MEF2C: variants seen among roughly 807,000 people sequenced by gnomAD.
MEF2C encodes myocyte-specific enhancer factor 2C.
Under a neutral mutation model 50.5 loss-of-function variants are expected in MEF2C, and 6 were observed. The observed-to-expected ratio is 0.12, with a 90% CI of 0.07 to 0.23. The LOEUF is 0.23. Among genes scored for constraint, MEF2C ranks in the 10% least tolerant of loss-of-function variants. The pLI, the probability that MEF2C is intolerant of heterozygous loss-of-function variation, is 1.00. For missense variants in MEF2C, 276 were observed against 605.0 expected (o/e 0.46, Z 5.70); for synonymous variants, 183 against 228.0 (o/e 0.80, Z 1.78).
At chr5:88,770,220 G>A (rs891980917) in intron 3 of MEF2C, among the ~76,000 whole-genome samples, 3 of 152,170 alleles carry the variant, frequency 2.0e-5, no homozygotes, top group Non-Finnish European at 4.4e-5. Flanking sequence ...TTGCAAATGG[G>A]TTGGTTACAG....
intron 1 of MEF2C, among the ~76,000 whole-genome samples, chr5:88,897,363 G>A (rs1034576145): frequency 4.6e-5 from 7 of 152,178 alleles, no homozygotes; most frequent in Non-Finnish European, 8.8e-5. Context: ...TCACCCACAG[G>A]AGAATAAAGC....
chr5:88,742,394 G>A (rs1311499361), intron 6 of MEF2C: 40 of 984,116 alleles, frequency 4.1e-5, no homozygotes, highest in African/African-American at 1.0e-4. Context: ...AAATATTAAC[G>A]GCTTGAATTT....
chr5:88,864,570 C>T (rs1172151878), intron 1 of MEF2C, among the ~76,000 whole-genome samples: 1 of 150,798 alleles, frequency 6.6e-6, no homozygotes, highest in Non-Finnish European at 1.5e-5. Flanking sequence ...TATAAATATA[C>T]ATAAATACAC....
intron 1 of MEF2C, among the ~76,000 whole-genome samples, chr5:88,830,135 T>C (rs1204208051): frequency 6.6e-6 from 1 of 151,968 alleles, no homozygotes; most frequent in Non-Finnish European, 1.5e-5. Context: ...AAATTTACAG[T>C]GTTAAAAAAA....
At chr5:88,750,189 T>A in intron 5 of MEF2C, 1 of 599,732 alleles carries the variant, frequency 1.7e-6, no homozygotes, top group Non-Finnish European at 2.1e-6. Context: ...TGTTTATATA[T>A]ATACATATAT....
At chr5:88,883,302 AGAG>A (rs1380356639), upstream of MEF2C, 12 of 152,308 alleles carry the variant, frequency 7.9e-5, no homozygotes, top group South Asian at 5.7e-4. Context: ...GCCGCTCGGA[AGAG>A]GAGGAGGAGG....
chr5:88,879,946 ACTCTGTTGTTCCTGGTTTTGTGAATCAC>A (rs1832303662), intron 1 of MEF2C, among the ~76,000 whole-genome samples: 1 of 151,278 alleles, frequency 6.6e-6, no homozygotes, highest in African/African-American at 2.4e-5. Context: ...ACGTGCATAG[ACTCTGTTGTTCCTGGTTTTGTGAATCAC>A]CTCTGTAATC....
chr5:88,719,841 G>C lies in MEF2C; in HGVS notation c.*2763C>G, dbSNP rs1180430182. The C allele has an allele frequency of 6.6e-6, 1 of 152,104 alleles. No homozygotes were observed. The highest frequency in any genetic ancestry group is 1.5e-5 in the Non-Finnish European group (1 of 68,008). 9.4% of individuals were successfully genotyped at this position (152,104 alleles called of 1,614,324 possible). ...TCAGTAGTGGGAACAAGAGATGACT[G>C]GCATCCATTTTCAAGTGATTCTGTT... On this transcript the variant is annotated 3_prime_UTR_variant, in exon 11 of 11. Transcript: ENST00000504921.
rs573203324 is a variant in MEF2C, at chr5:88,795,643, G to T, written c.258+8955C>A. ...TAAATACCCTTTATTTCTTTCTCTTGCCTGATTGCCCTGGCCAGAACTTCC... is the reference window on the plus strand; with the variant it reads ...TAAATACCCTTTATTTCTTTCTCTTTCCTGATTGCCCTGGCCAGAACTTCC... On this transcript the variant is annotated intron_variant, in intron 3 of 10. Transcript: ENST00000504921. 4.6e-5 allele frequency among the ~76,000 whole-genome samples: 7 copies of T among 152,182 alleles called. No homozygotes were observed. The South Asian group carries it at 1.5e-3, about 32-fold the overall frequency.
At chr5:88,749,155 A>G in intron 5 of MEF2C, 38 bp from the exon 6 acceptor site, 1 of 1,537,092 alleles carries the variant, frequency 6.5e-7, no homozygotes, top group Non-Finnish European at 8.8e-7. Flanking sequence ...GAGAAAGGCT[A>G]AAGGCCCACA....
Position 88,776,849 on chromosome 5 carries a change from G to A in MEF2C, c.259-15521C>T, listed in dbSNP as rs565934142. Among the ~76,000 whole-genome samples the A allele has an allele frequency of 2.3e-3, 348 of 152,196 alleles. 1 individual carries two copies. Among genetic ancestry groups the A allele is most frequent in the Non-Finnish European group, 3.8e-3 (259 of 68,008 alleles). On this transcript the variant is annotated intron_variant, in intron 3 of 10. Transcript: ENST00000504921. ...GGCCATCAGCAATTTTGTTCATCCTGATATCCACACCTGGCAGTGGCTCGG... is the reference window on the plus strand; with the variant it reads ...GGCCATCAGCAATTTTGTTCATCCTAATATCCACACCTGGCAGTGGCTCGG...
In MEF2C at chr5:88,729,202, T is replaced by A. The variant is rs1760313635; in HGVS notation, c.964+16A>T. On this transcript the variant is annotated intron_variant, in intron 9 of 10. Transcript: ENST00000504921. ...AAGTATTTAGTGTACTAATTGCACA[T>A]GACAAAGCTACTCACCGGTACCATA... 1 of 1,612,642 alleles carries A rather than the reference T, an allele frequency of 6.2e-7. No homozygotes were observed. The highest frequency in any genetic ancestry group is 1.7e-5 in the Admixed American group (1 of 59,894).
At chr5:88,866,845 A>C (rs188115675) in intron 1 of MEF2C, among the ~76,000 whole-genome samples, 37 of 152,264 alleles carry the variant, frequency 2.4e-4, no homozygotes, top group African/African-American at 8.4e-4. Flanking sequence ...TTACTGAATA[A>C]CTCCTGAAAT....
intron 3 of MEF2C, among the ~76,000 whole-genome samples, chr5:88,783,934 T>G (rs1211962547): frequency 6.6e-6 from 1 of 152,204 alleles, no homozygotes; most frequent in Admixed American, 6.5e-5. Context: ...ATTGCTTGAA[T>G]AAAACAAAAT....
intron 3 of MEF2C, among the ~76,000 whole-genome samples, chr5:88,789,360 G>A (rs1792629765): frequency 6.6e-6 from 1 of 151,956 alleles, no homozygotes; most frequent in Non-Finnish European, 1.5e-5. Flanking sequence ...TAGAGTTGGA[G>A]TCTCTGTATG....
chr5:88,830,608 C>A (rs990879680), intron 1 of MEF2C, among the ~76,000 whole-genome samples: 1 of 152,022 alleles, frequency 6.6e-6, no homozygotes, highest in South Asian at 2.1e-4. Flanking sequence ...AAAATAAACT[C>A]CAAATGGTCT....
At chr5:88,867,132 A>T (rs978047587) in intron 1 of MEF2C, among the ~76,000 whole-genome samples, 3 of 152,228 alleles carry the variant, frequency 2.0e-5, no homozygotes, top group Non-Finnish European at 4.4e-5. Flanking sequence ...TTCTCACTTC[A>T]CATCAACAAT....
intron 1 of MEF2C, among the ~76,000 whole-genome samples, chr5:88,865,332 C>G (rs987946687): frequency 5.3e-5 from 8 of 152,120 alleles, no homozygotes; most frequent in African/African-American, 1.9e-4. Flanking sequence ...TCAGTTACAG[C>G]CCATAGTTTT....
At chr5:88,826,461 T>A (rs1810895499) in intron 1 of MEF2C, among the ~76,000 whole-genome samples, 1 of 151,986 alleles carries the variant, frequency 6.6e-6, no homozygotes, top group Non-Finnish European at 1.5e-5. Context: ...TAACTGGTCA[T>A]GAAGTAAAGT....
Sources: gnomAD v4.1 joint callset for allele counts (sites outside exome capture counted in the v4.1 genomes callset) on GRCh38, gnomAD v4.1.1 for gene constraint, MANE v1.5 for transcripts, NCBI Gene and HGNC (gene_info 2026-07-23, HGNC 2026-07-21) for gene names.